The following MTUS2 variants were observed in gnomAD, a reference collection of about 807,000 sequenced individuals.
MTUS2 encodes microtubule-associated tumor suppressor candidate 2.
A neutral mutation model predicts 114.1 loss-of-function variants in MTUS2; 40 were observed. That is an observed-to-expected ratio of 0.35 (90% CI 0.27 to 0.46). The LOEUF (loss-of-function observed/expected upper bound fraction) is 0.46. Among genes scored for constraint, MTUS2 ranks in the 20% least tolerant of loss-of-function variants. MTUS2 has a pLI of 1.00. For synonymous variants in MTUS2, 688 were observed against 672.0 expected (o/e 1.02, Z -0.37); for missense variants, 1,679 against 1,705.4 (o/e 0.98, Z 0.27).
At chr13:29,479,986 A>G in intron 9 of MTUS2, 164 bp from the exon 10 acceptor site, 1 of 633,478 alleles carries the variant, frequency 1.6e-6, no homozygotes. Context: ...TGAGGATCTA[A>G]TGGGTGGAAA....
intron 5 of MTUS2, among the ~76,000 whole-genome samples, chr13:29,200,743 TA>T (rs1894920176): frequency 6.6e-6 from 1 of 151,958 alleles, no homozygotes. Context: ...TGGTCTCGAA[TA>T]CCCAACCTCA....
intron 6 of MTUS2, chr13:29,307,822 G>A: frequency 1.3e-6 from 1 of 777,458 alleles, no homozygotes; most frequent in Non-Finnish European, 2.2e-6. Flanking sequence ...GAGCACAAGA[G>A]GAAGAGAGAG....
chr13:29,341,295 A>G (rs983962277), intron 7 of MTUS2, among the ~76,000 whole-genome samples: 1 of 152,160 alleles, frequency 6.6e-6, no homozygotes, highest in African/African-American at 2.4e-5. Context: ...CCTTTTCACA[A>G]CATCCCCACC....
chr13:28,955,022 G>A (rs557371303), intron 2 of MTUS2, among the ~76,000 whole-genome samples: 2 of 152,234 alleles, frequency 1.3e-5, no homozygotes, highest in South Asian at 2.1e-4. Flanking sequence ...GTCAGCAATC[G>A]ATCCTGGTCT....
intron 2 of MTUS2, among the ~76,000 whole-genome samples, chr13:28,900,255 C>A (rs1182068538): frequency 6.6e-6 from 1 of 152,112 alleles, no homozygotes; most frequent in East Asian, 1.9e-4. Context: ...TGATACAATC[C>A]ACTTACCTTG....
At chr13:29,112,023 C>T (rs985689696) in intron 5 of MTUS2, among the ~76,000 whole-genome samples, 12 of 152,142 alleles carry the variant, frequency 7.9e-5, no homozygotes, top group African/African-American at 2.7e-4. Context: ...AGCAGACATC[C>T]ATCCTATAAC....
chr13:29,124,633 A>G (rs1246873560), intron 5 of MTUS2, among the ~76,000 whole-genome samples: 1 of 152,254 alleles, frequency 6.6e-6, no homozygotes, highest in East Asian at 1.9e-4. Context: ...TTATGTATCC[A>G]TGTTCCTAGT....
chr13:29,010,030 T>G (rs914607243), intron 2 of MTUS2, among the ~76,000 whole-genome samples: 1 of 151,872 alleles, frequency 6.6e-6, no homozygotes, highest in African/African-American at 2.4e-5. Context: ...GCCAATATGG[T>G]GAAACCCCCT....
chr13:28,832,679 ATATATT>A (rs1311054450), intron 1 of MTUS2, among the ~76,000 whole-genome samples: 2 of 147,942 alleles, frequency 1.4e-5, no homozygotes, highest in East Asian at 1.9e-4. Context: ...ATTTAAAATT[ATATATT>A]TATATAAATA....
At chr13:29,035,893 C>A (rs372151803) in intron 4 of MTUS2, among the ~76,000 whole-genome samples, 88 of 151,940 alleles carry the variant, frequency 5.8e-4, no homozygotes, top group African/African-American at 2.1e-3. Flanking sequence ...GACTGTAATC[C>A]CAGCACTTTG....
intron 5 of MTUS2, among the ~76,000 whole-genome samples, chr13:29,125,354 A>G (rs1891470606): frequency 6.6e-6 from 1 of 152,204 alleles, no homozygotes. Flanking sequence ...TTGGTTTAAA[A>G]TGAGTAGCTG....
chr13:29,234,491 T>G (rs569061707), intron 5 of MTUS2, among the ~76,000 whole-genome samples: 4 of 152,338 alleles, frequency 2.6e-5, no homozygotes, highest in African/African-American at 9.6e-5. Context: ...CAGTTGCATG[T>G]TTCTACCATT....
At chr13:29,217,393 G>T (rs767085403) in intron 5 of MTUS2, among the ~76,000 whole-genome samples, 4 of 152,272 alleles carry the variant, frequency 2.6e-5, no homozygotes, top group Non-Finnish European at 5.9e-5. Context: ...TGCTATAAAG[G>T]TGAGTCATAG....
chr13:29,492,124 GTA>G (rs1435645773), intron 11 of MTUS2, among the ~76,000 whole-genome samples: 1 of 130,428 alleles, frequency 7.7e-6, no homozygotes, highest in Non-Finnish European at 1.5e-5. Context: ...GTGTGTGTGT[GTA>G]TGTGATGTGT....
rs1566172797 is a variant in MTUS2, at chr13:29,389,393, GTGTATA to G, written c.3117+29922_3117+29927del. Among the ~76,000 whole-genome samples the G allele has an allele frequency of 2.4e-4, 19 of 79,334 alleles. 1 individual carries two copies. The highest frequency in any genetic ancestry group is 4.0e-4 in the Non-Finnish European group (16 of 39,792). The allele number at this position is 79,334 out of a possible 152,430, so 52.0% of individuals were successfully genotyped here. ...TGTGTGTATATATGTATACACGTGT[GTGTATA>G]TATGTATACACGTGTGTGTGTATGT... is the stretch of plus-strand genomic sequence containing the variant. On this transcript the variant is annotated intron_variant, in intron 8 of 15. Coordinates refer to ENST00000612955, the MANE Select transcript of MTUS2 (RefSeq NM_001033602.4).
intron 4 of MTUS2, among the ~76,000 whole-genome samples, chr13:29,059,289 G>T (rs979866092): frequency 1.5e-5 from 2 of 134,786 alleles, no homozygotes; most frequent in Non-Finnish European, 3.1e-5. Flanking sequence ...TTTGATTATG[G>T]CATAAGGTGG....
At chr13:29,264,331 T>C (rs11618201) in intron 5 of MTUS2, among the ~76,000 whole-genome samples, 68,623 of 152,220 alleles carry the variant, frequency 0.45, 16,090 homozygotes, top group Non-Finnish European at 0.53. Flanking sequence ...GCTGCTCTCA[T>C]GGGCTGGAGT....
At chr13:28,971,260 C>T (rs1202626520) in intron 2 of MTUS2, among the ~76,000 whole-genome samples, 1 of 151,946 alleles carries the variant, frequency 6.6e-6, no homozygotes, top group Non-Finnish European at 1.5e-5. Context: ...AGTGTTGTTC[C>T]CTTGATATTG....
intron 2 of MTUS2, among the ~76,000 whole-genome samples, chr13:29,018,269 G>A (rs1390777665): frequency 6.6e-6 from 1 of 152,164 alleles, no homozygotes; most frequent in East Asian, 1.9e-4. Flanking sequence ...GCCGAGAGGT[G>A]TCACTTTAGC....
Sources: gnomAD v4.1 joint callset for allele counts (sites outside exome capture counted in the v4.1 genomes callset) on GRCh38, gnomAD v4.1.1 for gene constraint, MANE v1.5 for transcripts, NCBI Gene and HGNC (gene_info 2026-07-23, HGNC 2026-07-21) for gene names.